Variants in BCAS3 observed in about 807,000 individuals in gnomAD.
BCAS3 encodes BCAS4/BCAS3 fusion.
A neutral mutation model predicts 116.1 loss-of-function variants in BCAS3; 53 were observed. The observed-to-expected ratio is 0.46, with a 90% confidence interval of 0.37 to 0.57. The LOEUF is 0.57. Ranked by LOEUF, BCAS3 falls within the 20% of genes least tolerant of loss-of-function variation. The pLI is 0.00. For missense variants in BCAS3, 917 were observed against 1,165.4 expected (o/e 0.79, Z 3.10); for synonymous variants, 391 against 408.2 (o/e 0.96, Z 0.51).
intron 22 of BCAS3, among the ~76,000 whole-genome samples, chr17:61,242,289 A>AAG (rs1466651476): frequency 2.0e-5 from 3 of 151,674 alleles, no homozygotes; most frequent in African/African-American, 4.8e-5. Flanking sequence ...AAAAAAAAAA[A>AAG]AAAAATCCAA....
intron 22 of BCAS3, among the ~76,000 whole-genome samples, chr17:61,116,966 T>C (rs2075503177): frequency 6.6e-6 from 1 of 152,196 alleles, no homozygotes; most frequent in African/African-American, 2.4e-5. Flanking sequence ...TGTCTTCTAG[T>C]GGGCTTCTTT....
At position 61,344,948 on chromosome 17, in the gene BCAS3, C is replaced by G. The variant is rs572001998; in HGVS notation, c.2426-23379C>G. On this transcript the variant is annotated intron_variant, in intron 22 of 23. Coordinates refer to ENST00000407086, the MANE Select transcript of BCAS3 (RefSeq NM_017679.5). The surrounding 1 kb of genome is among the most constrained non-coding windows in gnomAD (Gnocchi z 4.1). ...ACACACACACATACACACACACACACGCACACCCCTCACAGAAAAATAGCC... is the reference window on the plus strand; with the variant it reads ...ACACACACACATACACACACACACAGGCACACCCCTCACAGAAAAATAGCC... 1.3e-5 allele frequency among the ~76,000 whole-genome samples: 2 copies of G among 152,032 alleles called. No individual in the cohort carries two copies. Among genetic ancestry groups the G allele is most frequent in the African/African-American group, 2.4e-5 (1 of 41,386 alleles).
intron 22 of BCAS3, among the ~76,000 whole-genome samples, chr17:61,207,953 CTCAG>C (rs1470665933): frequency 6.6e-6 from 1 of 152,268 alleles, no homozygotes; most frequent in East Asian, 1.9e-4. Context: ...TTGCAAAATT[CTCAG>C]TCAGATTCTT....
chr17:61,262,008 C>T (rs1489075933), intron 22 of BCAS3, among the ~76,000 whole-genome samples: 1 of 152,042 alleles, frequency 6.6e-6, no homozygotes, highest in African/African-American at 2.4e-5. Context: ...ACTAGAAGTA[C>T]TACCCAGAGC....
intron 7 of BCAS3, chr17:60,811,432 G>T: frequency 3.3e-6 from 2 of 604,234 alleles, no homozygotes; most frequent in South Asian, 2.9e-5. Flanking sequence ...TGGTGTCTGA[G>T]ACCAGCGACA....
chr17:60,781,687 A>G (rs1189025538), intron 6 of BCAS3, among the ~76,000 whole-genome samples: 1 of 151,930 alleles, frequency 6.6e-6, no homozygotes, highest in Non-Finnish European at 1.5e-5. Context: ...TCTTATTTCC[A>G]TGTTTTTTCC....
intron 22 of BCAS3, among the ~76,000 whole-genome samples, chr17:61,150,849 C>T (rs2077503116): frequency 6.6e-6 from 1 of 152,176 alleles, no homozygotes; most frequent in Non-Finnish European, 1.5e-5. Context: ...AGGTACTTAC[C>T]TCATCATTTC....
At chr17:61,018,594 G>A (rs988273575) in intron 16 of BCAS3, among the ~76,000 whole-genome samples, 1 of 151,948 alleles carries the variant, frequency 6.6e-6, no homozygotes, top group African/African-American at 2.4e-5. Flanking sequence ...GAGCCACCAC[G>A]CCCGGCCCCA....
intron 22 of BCAS3, among the ~76,000 whole-genome samples, chr17:61,121,462 A>G (rs1003373706): frequency 3.3e-5 from 5 of 152,110 alleles, no homozygotes; most frequent in Non-Finnish European, 5.9e-5. Context: ...GCTTTTGTCT[A>G]TTTAAGATTG....
chr17:60,863,982 A>G (rs1467549765), intron 7 of BCAS3, among the ~76,000 whole-genome samples: 1 of 152,198 alleles, frequency 6.6e-6, no homozygotes, highest in East Asian at 1.9e-4. Flanking sequence ...ACTGAAAATG[A>G]GTATCAGGCA....
At chr17:61,005,020 G>C (rs760718021) in intron 15 of BCAS3, among the ~76,000 whole-genome samples, 9 of 152,122 alleles carry the variant, frequency 5.9e-5, no homozygotes, top group Non-Finnish European at 1.3e-4. Flanking sequence ...ACTCATAAAT[G>C]AATATAGTTT....
In BCAS3 at chr17:61,222,773, TG is replaced by T. The variant is rs2082179582; in HGVS notation, c.2425+138211del. Among the ~76,000 whole-genome samples, 2 of 152,226 alleles carry T rather than the reference TG, an allele frequency of 1.3e-5. No individual in the cohort carries two copies. The highest frequency in any genetic ancestry group is 1.3e-4 in the Admixed American group (2 of 15,284). ...ACTCCAGGTCGATTCGTCTGCCTGT[TG>T]GCTTTTTTGATTTTTGCTTTGAAGT... On this transcript the variant is annotated intron_variant, in intron 22 of 23. Transcript: ENST00000407086. This position sits in a 1 kb window ranked among gnomAD's most constrained non-coding sequence, Gnocchi z 6.1.
chr17:60,963,766 A>G (rs970660368), intron 14 of BCAS3, among the ~76,000 whole-genome samples: 1 of 152,148 alleles, frequency 6.6e-6, no homozygotes, highest in Admixed American at 6.5e-5. Context: ...TGTGTTAGCC[A>G]GGATGGTCTC....
Position 61,380,486 on chromosome 17 carries a change from A to G in BCAS3, c.2594-11491A>G. 6.3e-7 allele frequency: 1 copy of G among 1,592,494 alleles called. No individual in the cohort carries two copies. ...CCAGTTTGTGATCCGCTTTAAAGGA[A>G]TATTTTATTTTCAATACAGACACAG... is the stretch of plus-strand genomic sequence containing the variant. On this transcript the variant is annotated intron_variant, in intron 23 of 23. Transcript: ENST00000407086. The surrounding 1 kb of genome is among the most constrained non-coding windows in gnomAD (Gnocchi z 4.2).
intron 5 of BCAS3, among the ~76,000 whole-genome samples, chr17:60,737,243 C>T (rs186327558): frequency 3.6e-4 from 55 of 152,078 alleles, no homozygotes; most frequent in South Asian, 4.1e-4. Context: ...CCCAGCCTCC[C>T]CTCTTTCATT....
rs907589390 is a variant in BCAS3, at chr17:60,994,444, A to G, written c.1486+4209A>G. ...GACTGTCCAAATAGTCTGTGATACA[A>G]AAATGGTTAAGAATCCCTGATCATC... On this transcript the variant is annotated intron_variant, in intron 15 of 23. Transcript: ENST00000407086. This position sits in a 1 kb window ranked among gnomAD's most constrained non-coding sequence, Gnocchi z 4.4. 6.6e-6 allele frequency among the ~76,000 whole-genome samples: 1 copy of G among 152,162 alleles called. No homozygotes were observed. Among genetic ancestry groups the G allele is most frequent in the Non-Finnish European group, 1.5e-5 (1 of 68,006 alleles).
chr17:61,306,667 T>TCGGGAGGCTGAGG (rs1296331201), intron 22 of BCAS3, among the ~76,000 whole-genome samples: 10 of 152,182 alleles, frequency 6.6e-5, no homozygotes, highest in African/African-American at 2.4e-4. Context: ...TAGATCCTAC[T>TCGGGAGGCTGAGG]CGGGAGGCTG....
chr17:60,870,129 C>T (rs2054972346), intron 8 of BCAS3, among the ~76,000 whole-genome samples: 1 of 152,156 alleles, frequency 6.6e-6, no homozygotes, highest in Non-Finnish European at 1.5e-5. Flanking sequence ...ATCTGAATTG[C>T]TCCTCATTCT....
At chr17:61,254,155 A>G (rs999365696) in intron 22 of BCAS3, among the ~76,000 whole-genome samples, 1 of 152,182 alleles carries the variant, frequency 6.6e-6, no homozygotes, top group African/African-American at 2.4e-5. Context: ...ATTAGAGAGC[A>G]ATCCCCTATA....
Sources: gnomAD v4.1 joint callset for allele counts (sites outside exome capture counted in the v4.1 genomes callset) on GRCh38, gnomAD v4.1.1 for gene constraint, Gnocchi (gnomAD v3.1) non-coding constraint, MANE v1.5 for transcripts, NCBI Gene and HGNC (gene_info 2026-07-23, HGNC 2026-07-21) for gene names.